Variants in EHD1 observed in about 807,000 individuals in gnomAD.
EHD1 encodes the protein EH domain containing 1, also known as EH domain-containing protein 1.
EHD1 carries 19 observed loss-of-function variants against 39.0 expected under a neutral mutation model. That is an observed-to-expected ratio of 0.49 (90% confidence interval 0.34 to 0.72). The LOEUF is 0.72. Among genes scored for constraint, EHD1 ranks in the 30% least tolerant of loss-of-function variants. The pLI is 0.01. For synonymous variants in EHD1, 323 were observed against 331.2 expected (o/e 0.98, Z 0.27); for missense variants, 542 against 751.5 (o/e 0.72, Z 3.26).
chr11:64,874,554 GAC>G lies in EHD1; in HGVS notation c.405-38_405-37del, dbSNP rs753103671. 7.8e-6 allele frequency: 12 copies of G among 1,536,382 alleles called. No homozygotes were observed. The East Asian group carries it at 1.6e-4, about 21-fold the overall frequency. ...GCAAGAGCCAGAAGAGAGGCGTCAAGACACAGTCATCACTGCTCCGGACACAA... is the reference window on the plus strand; with the variant it reads ...GCAAGAGCCAGAAGAGAGGCGTCAAGACAGTCATCACTGCTCCGGACACAA... On this transcript the variant is annotated intron_variant, in intron 1 of 4. Transcript: ENST00000320631.
chr11:64,855,013 C>T, intron 4 of EHD1, 156 bp from the exon 5 acceptor site: 1 of 1,005,486 alleles, frequency 9.9e-7, no homozygotes, highest in Non-Finnish European at 1.5e-6. Context: ...GGCTCTCTAA[C>T]CTGTACACAG....
In EHD1 at chr11:64,855,348, C is replaced by T; in HGVS notation, c.1054G>A (p.Asp352Asn). The part of the protein sequence containing the change: ...IEREHQISPG[D>N]FPSLRKMQEL... ...TGCATCTTGCGGAGGCTCGGGAAGTCCCCAGGGGAGATCTGGTGCTCGCGC... is the reference window on the plus strand; with the variant it reads ...TGCATCTTGCGGAGGCTCGGGAAGTTCCCAGGGGAGATCTGGTGCTCGCGC... Residue 352 changes from aspartate to asparagine, a missense_variant, in exon 4 of 5, where the codon GAC becomes AAC. By Grantham distance (23) the Asp-to-Asn change is conservative (BLOSUM62 1). Transcript: ENST00000320631. 1 of 1,614,054 alleles carries T rather than the reference C, an allele frequency of 6.2e-7. No homozygotes were observed. Among genetic ancestry groups the T allele is most frequent in the Non-Finnish European group, 8.5e-7 (1 of 1,180,000 alleles).
chr11:64,860,494 G>C (rs957885168), intron 2 of EHD1, among the ~76,000 whole-genome samples, 158 bp from the exon 3 acceptor site: 1 of 152,202 alleles, frequency 6.6e-6, no homozygotes, highest in South Asian at 2.1e-4. Flanking sequence ...CAACACTTTG[G>C]GAGGCCAAGG....
intron 2 of EHD1, among the ~76,000 whole-genome samples, chr11:64,872,173 G>A (rs1943837262): frequency 6.6e-6 from 1 of 152,212 alleles, no homozygotes; most frequent in Admixed American, 6.5e-5. Context: ...AGACTAAGGT[G>A]GAAGGATCAC....
chr11:64,878,426 C>A lies in EHD1; in HGVS notation c.39G>T (p.Lys13Asn). The A allele has an allele frequency of 3.7e-6, 6 of 1,613,078 alleles. No homozygotes were observed. In the East Asian group the frequency reaches 1.3e-4, roughly 36 times the overall value. The change falls in exon 1 of 5, where the codon AAG becomes AAT. Residue 13 changes from lysine to asparagine, a missense_variant. Coordinates refer to ENST00000320631, the MANE Select transcript of EHD1 (RefSeq NM_006795.4). ...CCACCGTCTGGAAGAGCTCCGGCTC[C>A]TTCTTGCGGCGGGCATCCTTGCTGA... ...SWVSKDARRK[K>N]EPELFQTVAE...
rs530304369 is a variant in EHD1, at chr11:64,855,308, C to T, written c.1080+14G>A. 11 of 1,611,992 alleles carry T rather than the reference C, an allele frequency of 6.8e-6. No homozygotes were observed. The highest frequency in any genetic ancestry group is 4.5e-5 in the East Asian group (2 of 44,868). ...ATGGCCACCAGCCTGCATGGGGCCT[C>T]GGGACAGCCGTACCTGCATCTTGCG... On this transcript the variant is annotated intron_variant, in intron 4 of 4. Transcript: ENST00000320631.
chr11:64,856,946 G>T (rs1031234653), intron 3 of EHD1, among the ~76,000 whole-genome samples: 3 of 152,224 alleles, frequency 2.0e-5, no homozygotes, highest in African/African-American at 7.2e-5. Flanking sequence ...CTCAAAGGTG[G>T]CTGAGCAAGG....
At chr11:64,861,948 C>T (rs1385134668) in intron 2 of EHD1, among the ~76,000 whole-genome samples, 1 of 152,164 alleles carries the variant, frequency 6.6e-6, no homozygotes, top group Non-Finnish European at 1.5e-5. Flanking sequence ...TGCTCTGTCA[C>T]CCAGGCTGGA....
intron 4 of EHD1, 121 bp downstream of exon 4, chr11:64,855,201 G>C: frequency 7.1e-7 from 1 of 1,408,694 alleles, no homozygotes; most frequent in Non-Finnish European, 9.4e-7. Context: ...GATTAACCCA[G>C]CTGCTTCCGT....
In EHD1 at chr11:64,854,079, G is replaced by A. The variant is rs1943614556; in HGVS notation, c.*254C>T. 3.1e-6 allele frequency: 2 copies of A among 642,916 alleles called. No homozygotes were observed. Among genetic ancestry groups the A allele is most frequent in the South Asian group, 2.0e-5 (1 of 49,258 alleles). The allele number at this position is 642,916 out of a possible 1,614,324, so 39.8% of individuals were successfully genotyped here. A position where few individuals can be genotyped will look rare whatever the true frequency, so the allele number is the denominator to read the frequency against. On this transcript the variant is annotated 3_prime_UTR_variant, in exon 5 of 5. Coordinates refer to ENST00000320631, the MANE Select transcript of EHD1 (RefSeq NM_006795.4). ...AGGGCTGGCACACAGGGGAGGCGGC[G>A]ACAAAGAACGCAGCCTCTAACGTTA... is the stretch of plus-strand genomic sequence containing the variant.
In EHD1 at chr11:64,878,493, G is replaced by A; in HGVS notation, c.-29C>T. On this transcript the variant is annotated 5_prime_UTR_variant, in exon 1 of 5. Transcript: ENST00000320631. ...GCCGGACACGGGGCTGGCTGCTGCG[G>A]GGCAGAGCGGCGGCTGAGAGCGGGG... 1 of 1,568,444 alleles carries A rather than the reference G, an allele frequency of 6.4e-7. No individual in the cohort carries two copies. Among genetic ancestry groups the A allele is most frequent in the Non-Finnish European group, 8.6e-7 (1 of 1,159,386 alleles).
intron 2 of EHD1, among the ~76,000 whole-genome samples, chr11:64,863,892 G>A (rs1478043175): frequency 6.6e-6 from 1 of 152,244 alleles, no homozygotes; most frequent in East Asian, 1.9e-4. Context: ...GGGCGTGTGG[G>A]AGCACTGGGC....
upstream of EHD1, chr11:64,879,557 G>A (rs538425248): frequency 9.2e-4 from 1,427 of 1,547,926 alleles, 2 homozygotes; most frequent in Admixed American, 2.0e-3. Context: ...CTTTCCTCTC[G>A]GGGTCACCAC....
chr11:64,867,724 G>T (rs1325024728), intron 2 of EHD1, among the ~76,000 whole-genome samples: 1 of 152,186 alleles, frequency 6.6e-6, no homozygotes, highest in South Asian at 2.1e-4. Flanking sequence ...CTCCATCTCC[G>T]TACCCCCACC....
rs565038989 is a variant in EHD1 at position 64,859,261 on chromosome 11, G to A, written c.915+663C>T. Among the ~76,000 whole-genome samples the A allele has an allele frequency of 2.6e-5, 4 of 152,282 alleles. No individual in the cohort carries two copies. The South Asian group carries it at 6.2e-4, about 24-fold the overall frequency. The stretch of plus-strand genomic sequence containing the variant: ...CTTCAGGCTCAGTAAACCCCAGAGG[G>A]GTAATCCCAGCACTCTGGGAGGCTG... On this transcript the variant is annotated intron_variant, in intron 3 of 4. Transcript: ENST00000320631.
At chr11:64,879,346 G>A (rs917684202), upstream of EHD1, among the ~76,000 whole-genome samples, 2 of 152,166 alleles carry the variant, frequency 1.3e-5, no homozygotes, top group Admixed American at 6.6e-5. Flanking sequence ...GGACTCGCGC[G>A]GGAGAAGAGA....
At chr11:64,879,019 G>A (rs1292362581), upstream of EHD1, 2 of 995,812 alleles carry the variant, frequency 2.0e-6, no homozygotes, top group Non-Finnish European at 2.4e-6. Context: ...ACTACGCGCC[G>A]CGCCCGCCGT....
In EHD1 at chr11:64,878,511, G is replaced by C. The variant is rs779323196; in HGVS notation, c.-47C>G. The C allele has an allele frequency of 1.3e-6, 2 of 1,542,858 alleles. No homozygotes were observed. Among genetic ancestry groups the C allele is most frequent in the East Asian group, 4.6e-5 (2 of 43,524 alleles). ...TGCTGCGGGGCAGAGCGGCGGCTGAGAGCGGGGCGAGGGTGCGGAGCCGAG... is the reference window on the plus strand; with the variant it reads ...TGCTGCGGGGCAGAGCGGCGGCTGACAGCGGGGCGAGGGTGCGGAGCCGAG... On this transcript the variant is annotated 5_prime_UTR_variant, in exon 1 of 5. Transcript: ENST00000320631.
chr11:64,854,166 G>C lies in EHD1; in HGVS notation c.*167C>G, dbSNP rs181239788. On this transcript the variant is annotated 3_prime_UTR_variant, in exon 5 of 5. Coordinates refer to ENST00000320631, the MANE Select transcript of EHD1 (RefSeq NM_006795.4). ...CCATCCTCTCACCCCTGCCTCCCCC[G>C]CCAGGCCCAGGAACAGCCTTAAAAG... The C allele has an allele frequency of 2.5e-6, 3 of 1,211,034 alleles. No homozygotes were observed. The highest frequency in any genetic ancestry group is 2.2e-6 in the Non-Finnish European group (2 of 895,764). 75.0% of individuals were successfully genotyped at this position (1,211,034 alleles called of 1,614,324 possible).
Sources: gnomAD v4.1 joint callset for allele counts (sites outside exome capture counted in the v4.1 genomes callset) on GRCh38, gnomAD v4.1.1 for gene constraint, MANE v1.5 for transcripts, NCBI Gene and HGNC (gene_info 2026-07-23, HGNC 2026-07-21) for gene names.